Variants in MARCHF4 observed in about 807,000 individuals in gnomAD.
MARCHF4 encodes membrane associated ring-CH-type finger 4, also known as E3 ubiquitin-protein ligase MARCHF4.
Under a neutral mutation model 43.9 loss-of-function variants are expected in MARCHF4, and 14 were observed. The observed-to-expected ratio is 0.32, with a 90% confidence interval of 0.21 to 0.50. The LOEUF (loss-of-function observed/expected upper bound fraction) is 0.50. Ranked by LOEUF, MARCHF4 falls within the 20% of genes least tolerant of loss-of-function variation. The pLI is 0.98. For synonymous variants in MARCHF4, 226 were observed against 213.3 expected (o/e 1.06, Z -0.52); for missense variants, 468 against 536.7 (o/e 0.87, Z 1.27).
At chr2:216,367,732 T>C (rs939487172) in intron 1 of MARCHF4, among the ~76,000 whole-genome samples, 7 of 152,234 alleles carry the variant, frequency 4.6e-5, no homozygotes, top group Non-Finnish European at 1.0e-4. Context: ...ATCAAAATAA[T>C]GAACAAGAAA....
rs551616695 is a variant in MARCHF4 at position 216,291,722 on chromosome 2, A to G, written c.517-7993T>C. 3.9e-5 allele frequency among the ~76,000 whole-genome samples: 6 copies of G among 152,298 alleles called. No individual in the cohort carries two copies. The East Asian group carries it at 1.2e-3, about 29-fold the overall frequency. On this transcript the variant is annotated intron_variant, in intron 1 of 3. Transcript: ENST00000273067. ...TTTCTCCTCTCTGTAACATTTTCTT[A>G]TTAATAATTCTATTGTTATAAATAT...
intron 1 of MARCHF4, among the ~76,000 whole-genome samples, chr2:216,332,357 A>C (rs1356398227): frequency 1.3e-5 from 2 of 151,024 alleles, no homozygotes; most frequent in African/African-American, 2.4e-5. Context: ...GAGCCACTGC[A>C]CTCCAGCCTG....
rs1052497201 is a variant in MARCHF4 at position 216,277,524 on chromosome 2, C to A, written c.865+148G>T. On this transcript the variant is annotated intron_variant, in intron 3 of 3. Transcript: ENST00000273067. ...CCCCCTTCCCATCCACCCCTTGAATCCAAGCCTCTGGCCTCTCCTGAGCTC... is the reference window on the plus strand; with the variant it reads ...CCCCCTTCCCATCCACCCCTTGAATACAAGCCTCTGGCCTCTCCTGAGCTC... The A allele has an allele frequency of 1.1e-5, 8 of 742,480 alleles. No individual in the cohort carries two copies. The African/African-American group carries it at 1.4e-4, about 13-fold the overall frequency. 46.0% of individuals were successfully genotyped at this position (742,480 alleles called of 1,614,324 possible).
At position 216,277,847 on chromosome 2, in the gene MARCHF4, C is replaced by G; in HGVS notation, c.690G>C (p.Leu230=). The G allele has an allele frequency of 1.2e-6, 2 of 1,611,692 alleles. No homozygotes were observed. The highest frequency in any genetic ancestry group is 1.7e-4 in the Middle Eastern group (1 of 6,052). The change falls in exon 3 of 4, where the codon CTG becomes CTC. Residue 230 remains leucine, a synonymous_variant. Transcript: ENST00000273067. ...CAACCTGAACCTTCTCAATGACCGT[C>G]AGAGAGATGGCCTGCCACTGCAGGG... is the stretch of plus-strand genomic sequence containing the variant. ...KNPLQWQAIS[L]TVIEKVQVAA... is the part of the protein sequence containing the mutation.
At chr2:216,301,889 C>G (rs1412999747) in intron 1 of MARCHF4, among the ~76,000 whole-genome samples, 1 of 152,114 alleles carries the variant, frequency 6.6e-6, no homozygotes, top group Non-Finnish European at 1.5e-5. Flanking sequence ...ATGTAAAGAG[C>G]TTAGAATAGT....
chr2:216,293,485 C>G (rs935099310), intron 1 of MARCHF4, among the ~76,000 whole-genome samples: 1 of 151,932 alleles, frequency 6.6e-6, no homozygotes, highest in African/African-American at 2.4e-5. Flanking sequence ...CAGCAGCTTA[C>G]TTTCACACAA....
At chr2:216,286,810 T>A (rs1263180972) in intron 1 of MARCHF4, among the ~76,000 whole-genome samples, 1 of 152,190 alleles carries the variant, frequency 6.6e-6, no homozygotes, top group Non-Finnish European at 1.5e-5. Context: ...GACCTGTATG[T>A]CTCCAAGAAC....
intron 2 of MARCHF4, among the ~76,000 whole-genome samples, chr2:216,283,177 C>T (rs534489775): frequency 1.3e-5 from 2 of 152,024 alleles, no homozygotes; most frequent in African/African-American, 4.8e-5. Context: ...TTCTCTTCTG[C>T]CCTCTGGCCT....
chr2:216,370,098 G>T lies in MARCHF4; in HGVS notation c.163C>A (p.Arg55=), dbSNP rs1319560946. ...LFNDLKVFLL[R]RPPQAPLPMH... ...GGCAGGGGCGCTTGAGGAGGGCGCC[G>T]CAGTAAGAAAACCTTCAGGTCATTG... The change falls in exon 1 of 4, where the codon CGG becomes AGG. Residue 55 remains arginine, a synonymous_variant. Coordinates refer to ENST00000273067, the MANE Select transcript of MARCHF4 (RefSeq NM_020814.3). 6.3e-7 allele frequency: 1 copy of T among 1,588,912 alleles called. No homozygotes were observed. Among genetic ancestry groups the T allele is most frequent in the Non-Finnish European group, 8.6e-7 (1 of 1,167,994 alleles).
At chr2:216,315,982 A>C (rs965529227) in intron 1 of MARCHF4, among the ~76,000 whole-genome samples, 3 of 152,168 alleles carry the variant, frequency 2.0e-5, no homozygotes, top group Non-Finnish European at 4.4e-5. Context: ...GCTAATCCCT[A>C]AGGGAGGCGA....
chr2:216,362,932 C>T (rs1692608819), intron 1 of MARCHF4, among the ~76,000 whole-genome samples: 3 of 152,242 alleles, frequency 2.0e-5, no homozygotes, highest in Middle Eastern at 6.8e-3. Flanking sequence ...CATCCAGGCT[C>T]ACTTCCAACT....
intron 1 of MARCHF4, among the ~76,000 whole-genome samples, chr2:216,295,230 G>A (rs1370665116): frequency 1.3e-5 from 2 of 152,164 alleles, no homozygotes; most frequent in Non-Finnish European, 2.9e-5. Context: ...AGGATTCAAT[G>A]GGATAACACA....
At chr2:216,330,945 CAA>C in intron 1 of MARCHF4, among the ~76,000 whole-genome samples, 1 of 151,580 alleles carries the variant, frequency 6.6e-6, no homozygotes, top group East Asian at 1.9e-4. Context: ...AAATTAAACT[CAA>C]AGTGAGAAGA....
chr2:216,282,007 A>C (rs1691137019), intron 2 of MARCHF4, among the ~76,000 whole-genome samples: 1 of 152,104 alleles, frequency 6.6e-6, no homozygotes, highest in South Asian at 2.1e-4. Context: ...TGAGTTTGGA[A>C]TCTGATCCTT....
chr2:216,271,670 G>A (rs1042777448), intron 3 of MARCHF4, among the ~76,000 whole-genome samples: 10 of 152,162 alleles, frequency 6.6e-5, no homozygotes, highest in Non-Finnish European at 1.0e-4. Flanking sequence ...TCAGACCTCA[G>A]TCCCAGCTCT....
At chr2:216,338,110 C>T (rs1381907051) in intron 1 of MARCHF4, among the ~76,000 whole-genome samples, 1 of 152,148 alleles carries the variant, frequency 6.6e-6, no homozygotes, top group Admixed American at 6.5e-5. Context: ...TATGACCAGG[C>T]CCTGTGGTAT....
intron 2 of MARCHF4, among the ~76,000 whole-genome samples, chr2:216,281,765 C>A (rs886736681): frequency 6.6e-6 from 1 of 152,108 alleles, no homozygotes; most frequent in Non-Finnish European, 1.5e-5. Context: ...CAGAGGGAGC[C>A]CCCAGCAGTG....
At chr2:216,306,254 A>G (rs1411646677) in intron 1 of MARCHF4, among the ~76,000 whole-genome samples, 2 of 152,208 alleles carry the variant, frequency 1.3e-5, no homozygotes, top group Non-Finnish European at 2.9e-5. Context: ...CTTTTAAAAT[A>G]TAGAACAGTT....
At chr2:216,333,993 G>A (rs1692119992) in intron 1 of MARCHF4, among the ~76,000 whole-genome samples, 1 of 150,726 alleles carries the variant, frequency 6.6e-6, no homozygotes, top group African/African-American at 2.4e-5. Flanking sequence ...GATACCTAAT[G>A]TTGGCTTGAT....
Sources: allele counts gnomAD v4.1 joint callset (sites outside exome capture counted in the v4.1 genomes callset), GRCh38; gene constraint gnomAD v4.1.1; transcripts MANE v1.5; gene names NCBI Gene and HGNC (gene_info 2026-07-23, HGNC 2026-07-21).